Variants in KCNH6 observed in about 807,000 individuals in gnomAD.
The protein encoded by KCNH6 is voltage-gated inwardly rectifying potassium channel KCNH6.
A neutral mutation model predicts 83.4 loss-of-function variants in KCNH6; 81 were observed. The ratio of observed to expected loss-of-function variants is 0.97; its 90% confidence interval spans 0.81 to 1.17. KCNH6 has a LOEUF of 1.17. Among genes scored for constraint, KCNH6 ranks in the 50% most tolerant of loss-of-function variants. The pLI, the probability that KCNH6 is intolerant of heterozygous loss-of-function variation, is 0.00. For synonymous variants in KCNH6, 503 were observed against 545.6 expected (o/e 0.92, Z 1.09); for missense variants, 1,203 against 1,290.5 (o/e 0.93, Z 1.04).
At chr17:63,545,449 C>T (rs369385490) in intron 12 of KCNH6, among the ~76,000 whole-genome samples, 160 bp from the exon 13 acceptor site, 4 of 152,180 alleles carry the variant, frequency 2.6e-5, no homozygotes, top group African/African-American at 7.2e-5. Context: ...GCTGGCAAAG[C>T]CCAGAATGTG....
chr17:63,547,204 GT>G (rs1469548066), downstream of KCNH6, among the ~76,000 whole-genome samples: 1 of 152,048 alleles, frequency 6.6e-6, no homozygotes, highest in Admixed American at 6.5e-5. Context: ...GTGCTTCTGT[GT>G]GTAAATTATA....
At chr17:63,526,445 G>A (rs1597971887) in intron 2 of KCNH6, among the ~76,000 whole-genome samples, 1 of 144,402 alleles carries the variant, frequency 6.9e-6, no homozygotes, top group Admixed American at 7.2e-5. Flanking sequence ...AGGCTGGCAA[G>A]AACATAGCTC....
At position 63,535,881 on chromosome 17, in the gene KCNH6, C is replaced by G. The variant is rs2032460928; in HGVS notation, c.1314C>G (p.Asp438Glu). 1 of 1,614,016 alleles carries G rather than the reference C, an allele frequency of 6.2e-7. No individual in the cohort carries two copies. The highest frequency in any genetic ancestry group is 1.3e-5 in the African/African-American group (1 of 74,948). The change falls in exon 6 of 13, where the codon GAC (aspartate) becomes GAG (glutamate). Residue 438 changes from aspartate (D) to glutamate (E), a missense_variant. Physicochemically the swap from Asp to Glu is conservative, Grantham distance 45. Transcript: ENST00000314672. The surrounding 1 kb of genome is among the most constrained non-coding windows in gnomAD (Gnocchi z 4.9). The stretch of plus-strand genomic sequence containing the variant: ...TAGAACACAAGATCGGCTGGCTGGA[C>G]AGCCTGGGTGTGCAGCTTGGCAAGC... ...PYLEHKIGWLDSLGVQLGKRY... is the reference protein window; with the variant it reads ...PYLEHKIGWLESLGVQLGKRY...
chr17:63,535,723 G>A lies in KCNH6; in HGVS notation c.1156G>A (p.Val386Ile), dbSNP rs200824708. The A allele has an allele frequency of 4.8e-5, 77 of 1,613,328 alleles. No individual in the cohort carries two copies. The highest frequency in any genetic ancestry group is 1.7e-4 in the Middle Eastern group (1 of 6,060). Reference protein sequence around the residue: ...KTARLLRLVRVARKLDRYSEY... With the variant: ...KTARLLRLVRIARKLDRYSEY... ...AGCGCGGCTGCTGCGGCTGGTGCGC[G>A]TAGCACGGAAGCTGGACCGCTACTC... Residue 386 changes from valine (V) to isoleucine (I), a missense_variant, in exon 6 of 13, where the codon GTA becomes ATA. Physicochemically the swap from Val to Ile is conservative, Grantham distance 29. Transcript: ENST00000314672. This position sits in a 1 kb window ranked among gnomAD's most constrained non-coding sequence, Gnocchi z 4.9.
chr17:63,535,527 C>A lies in KCNH6; in HGVS notation c.1102-142C>A. On this transcript the variant is annotated intron_variant, in intron 5 of 12. Transcript: ENST00000314672. The surrounding 1 kb of genome is among the most constrained non-coding windows in gnomAD (Gnocchi z 4.9). The stretch of plus-strand genomic sequence containing the variant: ...AATGTCCCATACTGTGCCACACTGC[C>A]AAGTGCGTGGCCCGGAGGAAGTTCT... 2.7e-6 allele frequency: 2 copies of A among 734,776 alleles called. No homozygotes were observed. The highest frequency in any genetic ancestry group is 4.4e-6 in the Non-Finnish European group (2 of 453,862). The allele number at this position is 734,776 out of a possible 1,614,324, so 45.5% of individuals were successfully genotyped here. A position where few individuals can be genotyped will look rare whatever the true frequency, so the allele number is the denominator to read the frequency against.
chr17:63,525,356 T>G (rs1406559659), intron 2 of KCNH6, among the ~76,000 whole-genome samples: 1 of 152,218 alleles, frequency 6.6e-6, no homozygotes, highest in Non-Finnish European at 1.5e-5. Context: ...CGGAGATTTC[T>G]TTTGAGTAAT....
Position 63,538,159 on chromosome 17 carries a change from C to G in KCNH6, c.1596C>G (p.Val532=), listed in dbSNP as rs2032625453. 2 of 1,614,022 alleles carry G rather than the reference C, an allele frequency of 1.2e-6. No homozygotes were observed. Among genetic ancestry groups the G allele is most frequent in the African/African-American group, 1.3e-5 (1 of 74,940 alleles). ...GCTACCACACGCAGATGCTGCGTGT[C>G]AAGGAGTTCATCCGCTTCCACCAGA... The part of the protein sequence containing the change: ...TARYHTQMLR[V]KEFIRFHQIP... The change falls in exon 7 of 13, where the codon GTC becomes GTG. Residue 532 remains valine (V), a synonymous_variant. Transcript: ENST00000314672. This position sits in a 1 kb window ranked among gnomAD's most constrained non-coding sequence, Gnocchi z 4.0.
chr17:63,533,788 C>G lies in KCNH6; in HGVS notation c.676-98C>G. The G allele has an allele frequency of 8.5e-7, 1 of 1,170,824 alleles. No homozygotes were observed. Among genetic ancestry groups the G allele is most frequent in the Admixed American group, 2.0e-5 (1 of 49,134 alleles). 72.5% of individuals were successfully genotyped at this position (1,170,824 alleles called of 1,614,324 possible). A position where few individuals can be genotyped will look rare whatever the true frequency, so the allele number is the denominator to read the frequency against. Reference sequence around the variant, plus strand: ...TGCCCACCAGAGCCGTGGTCACCCACCCTCTCCCACTACACCTTCCCCAGG... The same window carrying G: ...TGCCCACCAGAGCCGTGGTCACCCAGCCTCTCCCACTACACCTTCCCCAGG... On this transcript the variant is annotated intron_variant, in intron 4 of 12. Transcript: ENST00000314672. This position sits in a 1 kb window ranked among gnomAD's most constrained non-coding sequence, Gnocchi z 4.1.
chr17:63,539,915 C>G (rs548102660), intron 8 of KCNH6, among the ~76,000 whole-genome samples: 1 of 152,296 alleles, frequency 6.6e-6, no homozygotes, highest in Admixed American at 6.5e-5. Context: ...GCATGGCATC[C>G]CCAGTTATCC....
At chr17:63,540,560 G>A (rs576267707) in intron 8 of KCNH6, among the ~76,000 whole-genome samples, 1 of 152,162 alleles carries the variant, frequency 6.6e-6, no homozygotes, top group Non-Finnish European at 1.5e-5. Context: ...AAAGACACTA[G>A]ATCAGAATCT....
At chr17:63,525,240 G>A (rs941501079) in intron 2 of KCNH6, among the ~76,000 whole-genome samples, 6 of 152,218 alleles carry the variant, frequency 3.9e-5, no homozygotes, top group Non-Finnish European at 7.3e-5. Flanking sequence ...AGGAACCACT[G>A]GCTTAGGTAA....
intron 2 of KCNH6, among the ~76,000 whole-genome samples, chr17:63,529,806 G>A (rs1056290905): frequency 6.6e-6 from 1 of 152,184 alleles, no homozygotes; most frequent in Non-Finnish European, 1.5e-5. Flanking sequence ...AGCAGACCTC[G>A]AGGTTAAGCT....
intron 2 of KCNH6, among the ~76,000 whole-genome samples, chr17:63,529,679 T>C (rs987846209): frequency 5.3e-5 from 8 of 152,188 alleles, no homozygotes; most frequent in Non-Finnish European, 7.3e-5. Context: ...AGGGCATCTT[T>C]GCAGGATGGG....
In KCNH6 at chr17:63,542,430, G is replaced by T. The variant is rs76596875; in HGVS notation, c.2144G>T (p.Arg715Leu). The T allele has an allele frequency of 2.0e-4, 326 of 1,613,748 alleles. 1 individual carries two copies. In the East Asian group the frequency reaches 4.8e-3, roughly 24 times the overall value. Residue 715 changes from arginine to leucine, a missense_variant, in exon 9 of 13, where the codon CGG (arginine) becomes CTG (leucine). Coordinates refer to ENST00000314672, the MANE Select transcript of KCNH6 (RefSeq NM_001278919.2). ...WSKLEVTFNL[R>L]DAAGGLHSSP... Reference sequence around the variant, plus strand: ...AAGCTGGAGGTCACCTTCAACCTGCGGGACGTGAGTCAGGGCCAGGTGGGC... The same window carrying T: ...AAGCTGGAGGTCACCTTCAACCTGCTGGACGTGAGTCAGGGCCAGGTGGGC...
At chr17:63,524,688 A>T (rs1227756176) in intron 2 of KCNH6, among the ~76,000 whole-genome samples, 2 of 152,122 alleles carry the variant, frequency 1.3e-5, no homozygotes, top group African/African-American at 4.8e-5. Flanking sequence ...GGCAGCTGGG[A>T]TGGAAATTAA....
At chr17:63,542,102 A>G (rs2032894638) in intron 8 of KCNH6, 139 bp from the exon 9 acceptor site, 1 of 805,682 alleles carries the variant, frequency 1.2e-6, no homozygotes, top group South Asian at 1.8e-5. Flanking sequence ...ACATCCAGCC[A>G]TGTCCCCAGA....
chr17:63,545,766 A>G lies in KCNH6; in HGVS notation c.2741A>G (p.His914Arg). 6.2e-7 allele frequency: 1 copy of G among 1,614,000 alleles called. No individual in the cohort carries two copies. Among genetic ancestry groups the G allele is most frequent in the Non-Finnish European group, 8.5e-7 (1 of 1,179,992 alleles). The change falls in exon 13 of 13, where the codon CAT (histidine) becomes CGT (arginine). Residue 914 changes from histidine to arginine, a missense_variant. Coordinates refer to ENST00000314672, the MANE Select transcript of KCNH6 (RefSeq NM_001278919.2). Reference sequence around the variant, plus strand: ...TGGCCACCCCTAGCCTCACCTCTACATCCCCTGGAAGTACAAGGACTCATC... The same window carrying G: ...TGGCCACCCCTAGCCTCACCTCTACGTCCCCTGGAAGTACAAGGACTCATC... ...GLWPPLASPL[H>R]PLEVQGLICG...
chr17:63,535,540 C>T lies in KCNH6; in HGVS notation c.1102-129C>T, dbSNP rs1005288010. 11 of 852,732 alleles carry T rather than the reference C, an allele frequency of 1.3e-5. No individual in the cohort carries two copies. Among genetic ancestry groups the T allele is most frequent in the Admixed American group, 2.7e-5 (1 of 37,566 alleles). The allele number at this position is 852,732 out of a possible 1,614,324, so 52.8% of individuals were successfully genotyped here. A position where few individuals can be genotyped will look rare whatever the true frequency, so the allele number is the denominator to read the frequency against. On this transcript the variant is annotated intron_variant, in intron 5 of 12. Transcript: ENST00000314672. The surrounding 1 kb of genome is among the most constrained non-coding windows in gnomAD (Gnocchi z 4.9). ...GTGCCACACTGCCAAGTGCGTGGCC[C>T]GGAGGAAGTTCTCCATAAATGTTTG...
rs752433226 is a variant in KCNH6 at position 63,545,742 on chromosome 17, G to A, written c.2717G>A (p.Trp906Ter). The A allele has an allele frequency of 1.9e-6, 3 of 1,614,130 alleles. No individual in the cohort carries two copies. Among genetic ancestry groups the A allele is most frequent in the South Asian group, 2.2e-5 (2 of 91,074 alleles). The change falls in exon 13 of 13, where the codon TGG (tryptophan) becomes TAG (stop). Residue 906 changes from tryptophan (W) to a stop codon, truncating the protein, a stop_gained. Transcript: ENST00000314672. LOFTEE classifies it high-confidence loss of function. ...GAACAGGAACAGCCTGAGGGGCTCT[G>A]GCCACCCCTAGCCTCACCTCTACAT... ...SSEQEQPEGL[W>*]PPLASPLHPL...
Sources: gnomAD v4.1 joint callset for allele counts (sites outside exome capture counted in the v4.1 genomes callset) on GRCh38, gnomAD v4.1.1 for gene constraint, Gnocchi (gnomAD v3.1) non-coding constraint, MANE v1.5 for transcripts, NCBI Gene and HGNC (gene_info 2026-07-23, HGNC 2026-07-21) for gene names.